The following ATXN2 variants were observed in gnomAD, a reference collection of about 807,000 sequenced individuals.
ATXN2 encodes ataxin 2.
Under a neutral mutation model 138.6 loss-of-function variants are expected in ATXN2, and 37 were observed. The observed-to-expected ratio is 0.27, with a 90% CI of 0.21 to 0.35. The LOEUF is 0.35. Ranked by LOEUF, ATXN2 falls within the 10% of genes least tolerant of loss-of-function variation. The pLI, the probability that ATXN2 is intolerant of heterozygous loss-of-function variation, is 1.00. For missense variants in ATXN2, 1,216 were observed against 1,480.3 expected, an observed-to-expected ratio of 0.82 and a Z score of 2.93; for synonymous variants, 549 against 543.7, an observed-to-expected ratio of 1.01 and a Z score of -0.13.
At chr12:111,490,571 G>A (rs1877957171) in intron 14 of ATXN2, among the ~76,000 whole-genome samples, 1 of 152,112 alleles carries the variant, frequency 6.6e-6, no homozygotes, top group Non-Finnish European at 1.5e-5. Context: ...TGGCCAAACA[G>A]AACCTTCCAG....
intron 18 of ATXN2, among the ~76,000 whole-genome samples, chr12:111,484,208 TTAATC>T (rs1178191128): frequency 1.3e-5 from 2 of 152,228 alleles, no homozygotes; most frequent in East Asian, 3.9e-4. Context: ...ATCTAGTAAA[TTAATC>T]TAGCAAACCC....
intron 5 of ATXN2, among the ~76,000 whole-genome samples, chr12:111,548,935 C>G (rs596831): frequency 0.2 from 30,841 of 151,982 alleles, 3,237 homozygotes; most frequent in East Asian, 0.33. Context: ...GTTGGCCAGG[C>G]TGGTCTCGAA....
At chr12:111,574,418 ATTTTC>A (rs1304461379) in intron 1 of ATXN2, among the ~76,000 whole-genome samples, 1 of 149,638 alleles carries the variant, frequency 6.7e-6, no homozygotes, top group Non-Finnish European at 1.5e-5. Flanking sequence ...TAAATTCCTC[ATTTTC>A]TTTTCTTTTT....
chr12:111,509,788 TAGTA>T, intron 13 of ATXN2, 99 bp downstream of exon 13: 1 of 1,005,110 alleles, frequency 9.9e-7, no homozygotes, highest in Non-Finnish European at 1.5e-6. Context: ...TCTATCACAA[TAGTA>T]AGAAGAAATG....
intron 5 of ATXN2, among the ~76,000 whole-genome samples, chr12:111,551,016 C>T (rs761899255): frequency 3.3e-5 from 5 of 152,000 alleles, no homozygotes; most frequent in Admixed American, 6.6e-5. Context: ...ATTTTAGAAC[C>T]GGCTGGGTGC....
At position 111,588,763 on chromosome 12, in the gene ATXN2, G is replaced by A. The variant is rs564829583; in HGVS notation, c.251+10021C>T. ...TCCCAGCACTTTGGGAAGCCGAGGC[G>A]GGCAGATCAAGAGGTCGGGAGATTG... On this transcript the variant is annotated intron_variant, in intron 1 of 24. Coordinates refer to ENST00000673436, the MANE Select transcript of ATXN2 (RefSeq NM_001372574.1). Among the ~76,000 whole-genome samples, 10 of 151,642 alleles carry A rather than the reference G, an allele frequency of 6.6e-5. No homozygotes were observed. The East Asian group carries it at 1.2e-3, about 18-fold the overall frequency.
intron 21 of ATXN2, among the ~76,000 whole-genome samples, chr12:111,463,961 A>G (rs747486060): frequency 5.9e-5 from 9 of 151,796 alleles, no homozygotes; most frequent in Non-Finnish European, 1.3e-4. Flanking sequence ...TGATTTTTGT[A>G]TTTTTTAGTA....
chr12:111,554,227 TAAAA>T lies in ATXN2; in HGVS notation c.289-14_289-11del, dbSNP rs144235483. ...TTCCATCAAAAGAAATCTGGAATATTAAAAAAAAAAAAAACTATTAGAAATTAGT... is the reference window on the plus strand; with the variant it reads ...TTCCATCAAAAGAAATCTGGAATATTAAAAAAAAAACTATTAGAAATTAGT... On this transcript the variant is annotated splice_polypyrimidine_tract_variant and intron_variant, in intron 2 of 24. Coordinates refer to ENST00000673436, the MANE Select transcript of ATXN2 (RefSeq NM_001372574.1). The T allele has an allele frequency of 1.8e-6, 2 of 1,126,192 alleles. No individual in the cohort carries two copies. Among genetic ancestry groups the T allele is most frequent in the Admixed American group, 3.5e-5 (1 of 28,774 alleles). 69.8% of individuals were successfully genotyped at this position (1,126,192 alleles called of 1,614,324 possible).
intron 1 of ATXN2, among the ~76,000 whole-genome samples, chr12:111,589,941 T>A (rs1317728441): frequency 6.6e-6 from 1 of 152,056 alleles, no homozygotes; most frequent in Non-Finnish European, 1.5e-5. Context: ...CGAGGCGCAG[T>A]GGCTCATGCT....
intron 1 of ATXN2, among the ~76,000 whole-genome samples, chr12:111,576,174 C>T (rs1050009419): frequency 8.0e-5 from 12 of 150,164 alleles, no homozygotes; most frequent in African/African-American, 2.5e-4. Context: ...CCGGGCACCA[C>T]GGCTCACACC....
chr12:111,574,857 T>C (rs888778979), intron 1 of ATXN2, among the ~76,000 whole-genome samples: 27 of 152,212 alleles, frequency 1.8e-4, no homozygotes, highest in African/African-American at 5.8e-4. Context: ...ACTAGTTTTC[T>C]TTCTTTCCAG....
intron 2 of ATXN2, 125 bp from the exon 3 acceptor site, chr12:111,554,342 T>C: frequency 1.8e-6 from 1 of 566,378 alleles, no homozygotes; most frequent in South Asian, 2.9e-5. Context: ...GATATTTGCA[T>C]TATACTTAGT....
At chr12:111,473,765 A>G (rs952181927) in intron 18 of ATXN2, among the ~76,000 whole-genome samples, 21 of 63,092 alleles carry the variant, frequency 3.3e-4, no homozygotes, top group East Asian at 0.012. Flanking sequence ...AACATTGGGG[A>G]AAAAAAAAAA....
At chr12:111,468,696 CTTTTTTTTTTT>C (rs1007805276) in intron 20 of ATXN2, 2 of 108,524 alleles carry the variant, frequency 1.8e-5, no homozygotes, top group Non-Finnish European at 3.6e-5. Context: ...TCTGTAAATT[CTTTTTTTTTTT>C]TTTTTTTTTT....
intron 1 of ATXN2, among the ~76,000 whole-genome samples, chr12:111,573,087 C>T (rs1421147557): frequency 6.6e-6 from 1 of 151,644 alleles, no homozygotes; most frequent in Non-Finnish European, 1.5e-5. Flanking sequence ...GATTGAAACT[C>T]ACTGATAGAG....
At chr12:111,540,797 C>G (rs912061591) in intron 5 of ATXN2, among the ~76,000 whole-genome samples, 1 of 147,746 alleles carries the variant, frequency 6.8e-6, no homozygotes, top group Non-Finnish European at 1.5e-5. Flanking sequence ...CAAATTCAAG[C>G]AATTCTCCTG....
intron 1 of ATXN2, among the ~76,000 whole-genome samples, chr12:111,563,920 T>C (rs1445053668): frequency 6.6e-6 from 1 of 152,224 alleles, no homozygotes; most frequent in East Asian, 1.9e-4. Flanking sequence ...ATCTGTATTA[T>C]AATTACTAGT....
chr12:111,544,563 A>G (rs1881702931), intron 5 of ATXN2, among the ~76,000 whole-genome samples: 1 of 152,150 alleles, frequency 6.6e-6, no homozygotes, highest in East Asian at 1.9e-4. Flanking sequence ...TGATACACAC[A>G]TGATAGGAGG....
At chr12:111,455,065 A>C (rs1874969188) in intron 23 of ATXN2, 1 of 702,932 alleles carries the variant, frequency 1.4e-6, no homozygotes, top group Non-Finnish European at 2.6e-6. Context: ...TCTGAGAGAT[A>C]GATCCAACTG....
Sources: allele counts gnomAD v4.1 joint callset (sites outside exome capture counted in the v4.1 genomes callset), GRCh38; gene constraint gnomAD v4.1.1; transcripts MANE v1.5; gene names NCBI Gene and HGNC (gene_info 2026-07-23, HGNC 2026-07-21).